The following SNAP47 variants were observed in gnomAD, a reference collection of about 807,000 sequenced individuals.
SNAP47 encodes the protein synaptosomal-associated protein 47.
Under a neutral mutation model 31.4 loss-of-function variants are expected in SNAP47, and 20 were observed. That is an observed-to-expected ratio of 0.64 (90% CI 0.45 to 0.93). The LOEUF is 0.93. Among genes scored for constraint, SNAP47 ranks in the 40% least tolerant of loss-of-function variants. SNAP47 has a pLI of 0.00. For synonymous variants in SNAP47, 194 were observed against 213.4 expected (o/e 0.91, Z 0.79); for missense variants, 492 against 528.5 (o/e 0.93, Z 0.68).
chr1:227,728,944 A>AG (rs1198414072), intron 1 of SNAP47, among the ~76,000 whole-genome samples: 1 of 150,730 alleles, frequency 6.6e-6, no homozygotes, highest in Non-Finnish European at 1.5e-5. Context: ...CACGCAGGGG[A>AG]GGGGGGCGGC....
At chr1:227,743,792 G>A (rs1358667312) in intron 1 of SNAP47, 3 of 152,228 alleles carry the variant, frequency 2.0e-5, no homozygotes, top group Non-Finnish European at 2.9e-5. Flanking sequence ...GGTGCCCTGG[G>A]TTCCTTGAGC....
chr1:227,748,448 G>C (rs893122931), intron 2 of SNAP47, among the ~76,000 whole-genome samples: 2 of 152,252 alleles, frequency 1.3e-5, no homozygotes, highest in African/African-American at 4.8e-5. Context: ...CACTCTGCTG[G>C]AAACACACCG....
upstream of SNAP47, chr1:227,734,045 C>T (rs373977184): frequency 1.4e-5 from 22 of 1,610,470 alleles, no homozygotes; most frequent in African/African-American, 1.6e-4. Flanking sequence ...GTGAGGAGGG[C>T]GCAAGGGCAC....
intron 3 of SNAP47, among the ~76,000 whole-genome samples, chr1:227,760,538 G>C (rs1662995442): frequency 6.6e-6 from 1 of 152,196 alleles, no homozygotes; most frequent in Non-Finnish European, 1.5e-5. Flanking sequence ...GACACCCTGG[G>C]TCTTGGCACG....
intron 4 of SNAP47, among the ~76,000 whole-genome samples, chr1:227,778,404 G>T (rs1025050936): frequency 6.6e-6 from 1 of 152,230 alleles, no homozygotes; most frequent in African/African-American, 2.4e-5. Context: ...GAGCCCTGTG[G>T]CCCTGAAGGA....
intron 2 of SNAP47, among the ~76,000 whole-genome samples, chr1:227,750,622 G>A (rs548275656): frequency 1.3e-5 from 2 of 152,232 alleles, no homozygotes; most frequent in East Asian, 1.9e-4. Context: ...GCCCTGGCTC[G>A]CTGCTGAGGG....
intron 4 of SNAP47, chr1:227,777,021 A>T: frequency 1.0e-6 from 1 of 985,442 alleles, no homozygotes; most frequent in Non-Finnish European, 1.2e-6. Context: ...TACTGTGCTT[A>T]ATAGGCAAAA....
intron 4 of SNAP47, among the ~76,000 whole-genome samples, chr1:227,772,878 T>C (rs925239255): frequency 3.3e-5 from 5 of 152,226 alleles, no homozygotes; most frequent in African/African-American, 1.2e-4. Flanking sequence ...ATAGATAATA[T>C]GAGTTTATCT....
intron 4 of SNAP47, among the ~76,000 whole-genome samples, chr1:227,775,048 G>A (rs767099574): frequency 2.0e-5 from 3 of 152,206 alleles, no homozygotes; most frequent in Non-Finnish European, 4.4e-5. Flanking sequence ...TCGACCCACC[G>A]CCGCGGGGGC....
upstream of SNAP47, among the ~76,000 whole-genome samples, chr1:227,730,263 C>G (rs182579950): frequency 1.3e-5 from 2 of 152,120 alleles, no homozygotes; most frequent in African/African-American, 2.4e-5. Context: ...ATTCCCTTTG[C>G]GAAGGCCCTC....
chr1:227,759,718 C>T (rs1457736015), intron 3 of SNAP47: 106 of 581,844 alleles, frequency 1.8e-4, no homozygotes, highest in South Asian at 1.8e-3. Flanking sequence ...TTGATAGGTG[C>T]GTGAATTCCA....
At chr1:227,778,264 G>A (rs1199485546) in intron 4 of SNAP47, among the ~76,000 whole-genome samples, 1 of 152,158 alleles carries the variant, frequency 6.6e-6, no homozygotes, top group Non-Finnish European at 1.5e-5. Context: ...GACAAATAGT[G>A]GTGTCTCCTG....
intron 4 of SNAP47, chr1:227,770,566 T>C (rs1226582170): frequency 6.5e-6 from 1 of 154,840 alleles, no homozygotes; most frequent in Non-Finnish European, 1.5e-5. Context: ...GTTTCTCTTT[T>C]TTAGGAACTG....
At chr1:227,758,925 T>C (rs1662862004) in intron 2 of SNAP47, 70 bp from the exon 3 acceptor site, 3 of 1,512,210 alleles carry the variant, frequency 2.0e-6, no homozygotes, top group Non-Finnish European at 2.6e-6. Context: ...AAAACCGTTT[T>C]CCAAAAAAAA....
At chr1:227,758,268 A>G (rs1662814948) in intron 2 of SNAP47, among the ~76,000 whole-genome samples, 1 of 152,200 alleles carries the variant, frequency 6.6e-6, no homozygotes, top group African/African-American at 2.4e-5. Flanking sequence ...CCTGAAGGCC[A>G]CAGAAACTTC....
At position 227,743,594 on chromosome 1, in the gene SNAP47, T is replaced by G. The variant is rs144900713; in HGVS notation, c.-45-4098T>G. Among the ~76,000 whole-genome samples the G allele has an allele frequency of 7.4e-3, 1,128 of 152,316 alleles. 7 individuals carry two copies. The highest frequency in any genetic ancestry group is 0.044 in the Middle Eastern group (13 of 294). ...AGGCCTTGCAGGCTCTTCTAGAAGG[T>G]TCTCTGACACCTGCTCCCTTCACTG... On this transcript the variant is annotated intron_variant, in intron 1 of 4. Coordinates refer to ENST00000617596, the MANE Select transcript of SNAP47 (RefSeq NM_053052.4).
chr1:227,760,812 T>A (rs111542059), intron 3 of SNAP47, among the ~76,000 whole-genome samples: 1 of 152,248 alleles, frequency 6.6e-6, no homozygotes, highest in African/African-American at 2.4e-5. Context: ...TTTCCTACTA[T>A]CCTAGTCCAT....
chr1:227,732,578 G>C (rs759426975), upstream of SNAP47: 5 of 1,613,346 alleles, frequency 3.1e-6, no homozygotes, highest in Admixed American at 3.3e-5. Context: ...CGTCCTCAGC[G>C]GCTGCCTCCC....
intron 2 of SNAP47, among the ~76,000 whole-genome samples, chr1:227,757,185 A>G (rs962735553): frequency 6.6e-6 from 1 of 152,152 alleles, no homozygotes; most frequent in African/African-American, 2.4e-5. Flanking sequence ...GCTTGTGTCT[A>G]TGGCATGATT....
Sources: allele counts gnomAD v4.1 joint callset (sites outside exome capture counted in the v4.1 genomes callset), GRCh38; gene constraint gnomAD v4.1.1; transcripts MANE v1.5; gene names NCBI Gene and HGNC (gene_info 2026-07-23, HGNC 2026-07-21).